The following DOCK10 variants were observed in gnomAD, a reference collection of about 807,000 sequenced individuals.
DOCK10 encodes dedicator of cytokinesis protein 10.
Under a neutral mutation model 280.1 loss-of-function variants are expected in DOCK10, and 145 were observed. The ratio of observed to expected loss-of-function variants is 0.52; its 90% confidence interval spans 0.45 to 0.59. DOCK10 has a LOEUF of 0.59. Ranked by LOEUF, DOCK10 falls within the 20% of genes least tolerant of loss-of-function variation. DOCK10 has a pLI of 0.00. For synonymous variants in DOCK10, 915 were observed against 942.2 expected, an observed-to-expected ratio of 0.97 and a Z score of 0.53; for missense variants, 2,368 against 2,651.7, an observed-to-expected ratio of 0.89 and a Z score of 2.35.
chr2:224,876,228 T>C lies in DOCK10; in HGVS notation c.748-7A>G, dbSNP rs1288509124. Reference sequence around the variant, plus strand: ...ATTTTCTTAGTCTGTTATTCTGTGGTATAAAAAGAAAGAAAGAAAAAGAGA... The same window carrying C: ...ATTTTCTTAGTCTGTTATTCTGTGGCATAAAAAGAAAGAAAGAAAAAGAGA... On this transcript the variant is annotated splice_polypyrimidine_tract_variant and splice_region_variant and intron_variant, in intron 7 of 55. Coordinates refer to ENST00000258390, the MANE Select transcript of DOCK10 (RefSeq NM_014689.3). 3.1e-6 allele frequency: 5 copies of C among 1,588,032 alleles called. No homozygotes were observed. The highest frequency in any genetic ancestry group is 4.3e-6 in the Non-Finnish European group (5 of 1,166,410).
intron 19 of DOCK10, among the ~76,000 whole-genome samples, chr2:224,846,917 T>G (rs192715400): frequency 1.3e-5 from 2 of 152,312 alleles, no homozygotes; most frequent in Admixed American, 1.3e-4. Context: ...CAATCTGCCC[T>G]TTCACAGGAT....
chr2:224,873,948 G>C, intron 11 of DOCK10, 48 bp downstream of exon 11: 1 of 1,562,610 alleles, frequency 6.4e-7, no homozygotes, highest in Non-Finnish European at 8.7e-7. Flanking sequence ...GACTAGGGTG[G>C]TGTAATGTTG....
intron 4 of DOCK10, among the ~76,000 whole-genome samples, chr2:224,894,840 A>G (rs973625539): frequency 6.6e-6 from 1 of 152,200 alleles, no homozygotes; most frequent in East Asian, 1.9e-4. Context: ...CTGCAGTCCC[A>G]TTCTCCATAG....
chr2:224,770,307 C>A lies in DOCK10; in HGVS notation c.6348G>T (p.Glu2116Asp). 6.2e-7 allele frequency: 1 copy of A among 1,608,140 alleles called. No homozygotes were observed. Among genetic ancestry groups the A allele is most frequent in the Non-Finnish European group, 8.5e-7 (1 of 1,177,330 alleles). Residue 2116 changes from glutamate (E) to aspartate (D), a missense_variant, in exon 55 of 56, where the codon GAG becomes GAT. Physicochemically the swap from Glu to Asp is conservative, Grantham distance 45. This residue lies in a region of DOCK10 where 1,159 missense variants were observed against 1,400.8 expected (regional missense o/e 0.83). Coordinates refer to ENST00000258390, the MANE Select transcript of DOCK10 (RefSeq NM_014689.3). This position sits in a 1 kb window ranked among gnomAD's most constrained non-coding sequence, Gnocchi z 4.5. ...DACGQALDVN[E>D]RLIKEDQLEY... The stretch of plus-strand genomic sequence containing the variant: ...CCAGCTGGTCCTCTTTGATGAGGCG[C>A]TCATTCACGTCAAGGGCCTGCCCAC...
chr2:224,854,409 T>A (rs112214033), intron 16 of DOCK10, among the ~76,000 whole-genome samples: 70 of 152,346 alleles, frequency 4.6e-4, no homozygotes, highest in African/African-American at 1.7e-3. Flanking sequence ...ATATATGTTC[T>A]CTGTATAATA....
intron 1 of DOCK10, among the ~76,000 whole-genome samples, chr2:224,931,900 C>G (rs1702407537): frequency 6.6e-6 from 1 of 152,136 alleles, no homozygotes; most frequent in Non-Finnish European, 1.5e-5. Context: ...GAAATTCAAG[C>G]TGTTCTTATT....
At chr2:224,918,779 AT>A (rs1701490016) in intron 2 of DOCK10, among the ~76,000 whole-genome samples, 1 of 148,184 alleles carries the variant, frequency 6.7e-6, no homozygotes, top group African/African-American at 2.5e-5. Flanking sequence ...GTGCATGTGT[AT>A]GTGTAATGTG....
At chr2:224,887,284 T>G (rs1016105863) in intron 4 of DOCK10, among the ~76,000 whole-genome samples, 1 of 152,138 alleles carries the variant, frequency 6.6e-6, no homozygotes, top group Non-Finnish European at 1.5e-5. Flanking sequence ...TGAAGAACCA[T>G]GACCCTGAGA....
intron 1 of DOCK10, among the ~76,000 whole-genome samples, chr2:225,001,918 C>T (rs1402782848): frequency 6.6e-6 from 1 of 152,174 alleles, no homozygotes; most frequent in African/African-American, 2.4e-5. Flanking sequence ...AACCATCTTC[C>T]ATAAGGCCCC....
chr2:224,826,827 G>T lies in DOCK10; in HGVS notation c.3037-3180C>A, dbSNP rs138197245. Among the ~76,000 whole-genome samples, 573 of 152,092 alleles carry T rather than the reference G, an allele frequency of 3.8e-3. 4 individuals carry two copies. The highest frequency in any genetic ancestry group is 5.6e-3 in the Non-Finnish European group (378 of 67,992). ...CATCTATATGAAATTAGCTGGGCTTGGTGGCCATGCCTGTAGTCCCAGCTA... is the reference window on the plus strand; with the variant it reads ...CATCTATATGAAATTAGCTGGGCTTTGTGGCCATGCCTGTAGTCCCAGCTA... On this transcript the variant is annotated intron_variant, in intron 27 of 55. Coordinates refer to ENST00000258390, the MANE Select transcript of DOCK10 (RefSeq NM_014689.3).
intron 1 of DOCK10, among the ~76,000 whole-genome samples, chr2:224,984,228 GC>G (rs1705896813): frequency 2.0e-5 from 3 of 152,276 alleles, no homozygotes; most frequent in Admixed American, 2.0e-4. Flanking sequence ...TAGTAAACCA[GC>G]CCCAGTTAGA....
chr2:224,872,871 A>T (rs1026956367), intron 11 of DOCK10, among the ~76,000 whole-genome samples: 1 of 151,976 alleles, frequency 6.6e-6, no homozygotes, highest in African/African-American at 2.4e-5. Context: ...AGATATGCCA[A>T]AATATTAACT....
At chr2:224,816,353 G>T (rs1031123325) in intron 30 of DOCK10, among the ~76,000 whole-genome samples, 12 of 151,712 alleles carry the variant, frequency 7.9e-5, no homozygotes, top group Non-Finnish European at 1.6e-4. Flanking sequence ...CAATCATCGG[G>T]TTTATAATTT....
chr2:224,801,524 T>C (rs1217826851), intron 40 of DOCK10, among the ~76,000 whole-genome samples: 1 of 152,082 alleles, frequency 6.6e-6, no homozygotes, highest in Non-Finnish European at 1.5e-5. Flanking sequence ...GCCTCCATTT[T>C]ACCCTCATTC....
At chr2:225,019,536 C>T (rs777217816) in intron 1 of DOCK10, among the ~76,000 whole-genome samples, 5 of 150,124 alleles carry the variant, frequency 3.3e-5, no homozygotes, top group Admixed American at 2.0e-4. Flanking sequence ...CTTCTTTCTA[C>T]CCATTTCTGG....
intron 40 of DOCK10, among the ~76,000 whole-genome samples, chr2:224,801,282 CA>C (rs3083075): frequency 0.29 from 21,631 of 74,292 alleles, 1,102 homozygotes; most frequent in Admixed American, 0.36. Context: ...CAAGACATGG[CA>C]AAAAAAAAAA....
chr2:224,980,783 T>A (rs1168642505), intron 1 of DOCK10, among the ~76,000 whole-genome samples: 12 of 152,228 alleles, frequency 7.9e-5, no homozygotes, highest in African/African-American at 2.9e-4. Context: ...AGCTGTGTAA[T>A]GTTAAGATAT....
At position 224,770,634 on chromosome 2, in the gene DOCK10, C is replaced by T; in HGVS notation, c.6216G>A (p.Gly2072=). 6.2e-7 allele frequency: 1 copy of T among 1,613,220 alleles called. No homozygotes were observed. The highest frequency in any genetic ancestry group is 8.5e-7 in the Non-Finnish European group (1 of 1,179,198). Residue 2072 remains glycine, a synonymous_variant, in exon 54 of 56, where the codon GGG becomes GGA. Coordinates refer to ENST00000258390, the MANE Select transcript of DOCK10 (RefSeq NM_014689.3). This position sits in a 1 kb window ranked among gnomAD's most constrained non-coding sequence, Gnocchi z 4.5. The part of the protein sequence containing the change: ...QGSVSVKVNA[G]PMAYARAFLE... Reference sequence around the variant, plus strand: ...GAAAAGCTCGTGCATAGGCCATTGGCCCAGCATTAACCTGTTGAGAAGAAA... The same window carrying T: ...GAAAAGCTCGTGCATAGGCCATTGGTCCAGCATTAACCTGTTGAGAAGAAA...
intron 9 of DOCK10, 131 bp downstream of exon 9, chr2:224,874,535 A>G: frequency 1.0e-6 from 1 of 983,286 alleles, no homozygotes; most frequent in Non-Finnish European, 1.6e-6. Flanking sequence ...GAAAACACAT[A>G]GGTTAACGGG....
Sources: gnomAD v4.1 joint callset for allele counts (sites outside exome capture counted in the v4.1 genomes callset) on GRCh38, gnomAD v4.1.1 for gene constraint, gnomAD v4.1.1 regional missense constraint, Gnocchi (gnomAD v3.1) non-coding constraint, MANE v1.5 for transcripts, NCBI Gene and HGNC (gene_info 2026-07-23, HGNC 2026-07-21) for gene names.